Variants in PPM1D observed in about 807,000 individuals in gnomAD.
PPM1D encodes protein phosphatase, Mg2+/Mn2+ dependent 1D.
Under a neutral mutation model 58.3 loss-of-function variants are expected in PPM1D, and 52 were observed. The ratio of observed to expected loss-of-function variants is 0.89; its 90% CI spans 0.71 to 1.12. The LOEUF (loss-of-function observed/expected upper bound fraction) is 1.12. Among genes scored for constraint, PPM1D ranks in the 50% most tolerant of loss-of-function variants. The pLI is 0.00. For synonymous variants in PPM1D, 278 were observed against 285.1 expected, an observed-to-expected ratio of 0.98 and a Z score of 0.25; for missense variants, 564 against 777.2, an observed-to-expected ratio of 0.73 and a Z score of 3.26.
intron 1 of PPM1D, among the ~76,000 whole-genome samples, chr17:60,615,325 G>A (rs7208231): frequency 0.046 from 7,050 of 152,018 alleles, 581 homozygotes; most frequent in African/African-American, 0.16. Flanking sequence ...TGGGAGGATC[G>A]CTTGAGCCGA....
At chr17:60,631,081 G>A (rs1007827098) in intron 2 of PPM1D, among the ~76,000 whole-genome samples, 1 of 152,184 alleles carries the variant, frequency 6.6e-6, no homozygotes, top group Admixed American at 6.5e-5. Flanking sequence ...GGTGGCTCAC[G>A]CCTGTAATCC....
At chr17:60,645,532 A>ATGTATATATGTGTG (rs2031225237) in intron 3 of PPM1D, among the ~76,000 whole-genome samples, 2 of 119,390 alleles carry the variant, frequency 1.7e-5, no homozygotes, top group African/African-American at 8.6e-5. Flanking sequence ...GTATATATAT[A>ATGTATATATGTGTG]TGTGTATATA....
intron 3 of PPM1D, among the ~76,000 whole-genome samples, chr17:60,640,943 T>C (rs577575663): frequency 6.6e-6 from 1 of 152,168 alleles, no homozygotes; most frequent in African/African-American, 2.4e-5. Flanking sequence ...ATTTTTTTTT[T>C]TGTGGCTGTG....
Position 60,600,382 on chromosome 17 carries a change from G to C in PPM1D, c.-33G>C. ...CTCCCGCCGCCGGATTCGGCGGGCT[G>C]CGTGGGACCGGCGGGATCCCGGCCA... On this transcript the variant is annotated 5_prime_UTR_variant, in exon 1 of 6. Coordinates refer to ENST00000305921, the MANE Select transcript of PPM1D (RefSeq NM_003620.4). 6.5e-7 allele frequency: 1 copy of C among 1,542,994 alleles called. No individual in the cohort carries two copies. Among genetic ancestry groups the C allele is most frequent in the South Asian group, 1.2e-5 (1 of 83,902 alleles).
At chr17:60,601,669 G>C (rs767674263) in intron 1 of PPM1D, among the ~76,000 whole-genome samples, 1 of 152,094 alleles carries the variant, frequency 6.6e-6, no homozygotes, top group Non-Finnish European at 1.5e-5. Flanking sequence ...CTTATAAATT[G>C]TAACTGCCCA....
intron 1 of PPM1D, among the ~76,000 whole-genome samples, chr17:60,621,372 A>G (rs1488988855): frequency 3.3e-5 from 5 of 151,534 alleles, no homozygotes; most frequent in Non-Finnish European, 7.4e-5. Context: ...GACTATCCCT[A>G]CCTCAGAGTT....
At chr17:60,650,551 A>AAACAAC (rs145962010) in intron 4 of PPM1D, among the ~76,000 whole-genome samples, 161 of 151,512 alleles carry the variant, frequency 1.1e-3, no homozygotes, top group Admixed American at 2.3e-3. Flanking sequence ...CTCCATCTCA[A>AAACAAC]AACAACAACA....
At chr17:60,656,951 A>G (rs2031452784) in intron 5 of PPM1D, 110 bp downstream of exon 5, 2 of 1,593,514 alleles carry the variant, frequency 1.3e-6, no homozygotes, top group Non-Finnish European at 1.7e-6. Flanking sequence ...TTTGAACTCG[A>G]TTCAAGAAAG....
At chr17:60,650,449 G>A (rs1254885322) in intron 4 of PPM1D, among the ~76,000 whole-genome samples, 1 of 152,022 alleles carries the variant, frequency 6.6e-6, no homozygotes, top group Non-Finnish European at 1.5e-5. Flanking sequence ...TACTCAGGAG[G>A]CTGATGCAGG....
intron 3 of PPM1D, among the ~76,000 whole-genome samples, chr17:60,640,182 G>A (rs762927736): frequency 8.5e-5 from 13 of 152,090 alleles, no homozygotes; most frequent in Non-Finnish European, 1.8e-4. Flanking sequence ...GTGGTTGCAC[G>A]CGCTTGTAGT....
chr17:60,649,888 C>G (rs1395862500), intron 4 of PPM1D, among the ~76,000 whole-genome samples: 1 of 152,112 alleles, frequency 6.6e-6, no homozygotes, highest in Non-Finnish European at 1.5e-5. Flanking sequence ...TTTACATGTT[C>G]AGGGCCTGGT....
intron 3 of PPM1D, among the ~76,000 whole-genome samples, chr17:60,644,071 G>T (rs1181202186): frequency 6.6e-6 from 1 of 151,328 alleles, no homozygotes; most frequent in Admixed American, 6.6e-5. Context: ...TAGAGCCGGG[G>T]TTTCACCGTG....
At chr17:60,611,696 G>A (rs1347388040) in intron 1 of PPM1D, among the ~76,000 whole-genome samples, 1 of 152,144 alleles carries the variant, frequency 6.6e-6, no homozygotes, top group Non-Finnish European at 1.5e-5. Flanking sequence ...TGGGATTGTA[G>A]GTGTGAGCTG....
chr17:60,630,899 T>G (rs1334299448), intron 2 of PPM1D, among the ~76,000 whole-genome samples: 1 of 152,240 alleles, frequency 6.6e-6, no homozygotes, highest in Admixed American at 6.5e-5. Context: ...AACTCTTGTG[T>G]TTCATGGATT....
At chr17:60,643,188 T>A (rs1424708494) in intron 3 of PPM1D, among the ~76,000 whole-genome samples, 1 of 152,072 alleles carries the variant, frequency 6.6e-6, no homozygotes, top group Non-Finnish European at 1.5e-5. Flanking sequence ...GAGATCAGCC[T>A]GGCCAATATG....
intron 1 of PPM1D, among the ~76,000 whole-genome samples, chr17:60,609,223 A>G (rs1305225212): frequency 6.6e-6 from 1 of 150,908 alleles, no homozygotes; most frequent in Non-Finnish European, 1.5e-5. Context: ...CCTCCCCAGT[A>G]GCTGGAATTA....
intron 2 of PPM1D, among the ~76,000 whole-genome samples, chr17:60,626,828 G>A (rs779788568): frequency 3.3e-5 from 5 of 152,176 alleles, no homozygotes; most frequent in Non-Finnish European, 5.9e-5. Context: ...ACAGATGTGA[G>A]CCACGTGCCC....
chr17:60,661,953 G>A (rs2031533895), intron 5 of PPM1D, among the ~76,000 whole-genome samples: 1 of 151,952 alleles, frequency 6.6e-6, no homozygotes, highest in African/African-American at 2.4e-5. Context: ...TGGTTACACT[G>A]GTTTTCATTA....
chr17:60,602,780 A>AAG (rs2030244286), intron 1 of PPM1D, among the ~76,000 whole-genome samples: 1 of 8,446 alleles, frequency 1.2e-4, no homozygotes. Context: ...TCAAAGCTTG[A>AAG]AAAAAAAAAA....
Sources: gnomAD v4.1 joint callset for allele counts (sites outside exome capture counted in the v4.1 genomes callset) on GRCh38, gnomAD v4.1.1 for gene constraint, MANE v1.5 for transcripts, NCBI Gene and HGNC (gene_info 2026-07-23, HGNC 2026-07-21) for gene names.